The following XKR9 variants were observed in gnomAD, a reference collection of about 807,000 sequenced individuals.
XKR9 encodes the protein XK related 9.
In XKR9, 32 loss-of-function variants were observed where a neutral mutation model predicts 32.0. The observed-to-expected ratio is 1.00, with a 90% CI of 0.76 to 1.34. XKR9 has a LOEUF of 1.34. XKR9 is among the 40% of genes most tolerant of loss of function. The pLI is 0.00. For missense variants in XKR9, 546 were observed against 429.7 expected (o/e 1.27, Z -2.39); for synonymous variants, 168 against 143.4 (o/e 1.17, Z -1.22).
At chr8:70,728,344 G>T (rs1463764933) in intron 4 of XKR9, among the ~76,000 whole-genome samples, 1 of 152,204 alleles carries the variant, frequency 6.6e-6, no homozygotes. Context: ...GGGGCATAGT[G>T]GGGGTAGGTG....
chr8:70,739,017 G>C (rs1032335137), downstream of XKR9, among the ~76,000 whole-genome samples: 2 of 152,040 alleles, frequency 1.3e-5, no homozygotes, highest in East Asian at 1.9e-4. Context: ...TCAATTCCTG[G>C]GTATCCTTGT....
chr8:70,899,197 T>G, the XKR9 span, among the ~76,000 whole-genome samples: 4 of 152,176 alleles, frequency 2.6e-5, no homozygotes, highest in African/African-American at 7.2e-5. Context: ...GGCATTTTAT[T>G]GTGCTGTGTC....
At chr8:70,912,489 T>C in the XKR9 span, among the ~76,000 whole-genome samples, 2 of 152,104 alleles carry the variant, frequency 1.3e-5, no homozygotes, top group East Asian at 1.9e-4. Flanking sequence ...GAATCAAGTA[T>C]CTGCCATGGT....
chr8:70,707,128 G>A lies in XKR9; in HGVS notation c.468G>A (p.Glu156=). 2 of 1,612,940 alleles carry A rather than the reference G, an allele frequency of 1.2e-6. No homozygotes were observed. The highest frequency in any genetic ancestry group is 2.2e-5 in the South Asian group (2 of 90,978). ...QLILQLYILL[E]HGQANFSQYA... ...TTCTTCAACTCTACATTCTTCTGGAGCATGGACAAGCGAATTTCAGTCAGT... is the reference window on the plus strand; with the variant it reads ...TTCTTCAACTCTACATTCTTCTGGAACATGGACAAGCGAATTTCAGTCAGT... Residue 156 remains glutamate (E), a synonymous_variant, in exon 4 of 5, where the codon GAG becomes GAA. Transcript: ENST00000408926.
chr8:70,881,122 A>T, the XKR9 span, among the ~76,000 whole-genome samples: 3 of 152,218 alleles, frequency 2.0e-5, no homozygotes, highest in African/African-American at 7.2e-5. Context: ...AATTAATTCA[A>T]GATGGATTAA....
At chr8:70,879,291 A>G in the XKR9 span, among the ~76,000 whole-genome samples, 2 of 152,210 alleles carry the variant, frequency 1.3e-5, no homozygotes, top group Non-Finnish European at 2.9e-5. Flanking sequence ...GCAGAAGGCA[A>G]GAAATAACTA....
intron 2 of XKR9, among the ~76,000 whole-genome samples, chr8:70,676,835 C>A (rs1383092661): frequency 3.9e-5 from 6 of 152,022 alleles, no homozygotes; most frequent in African/African-American, 1.5e-4. Context: ...TATAGAGAGA[C>A]CCTGTCTCTT....
the XKR9 span, among the ~76,000 whole-genome samples, chr8:70,946,200 C>T: frequency 6.6e-6 from 1 of 152,108 alleles, no homozygotes; most frequent in Admixed American, 6.5e-5. Flanking sequence ...CCTAAGAGAT[C>T]CTCTAACTCT....
chr8:70,914,691 G>T, the XKR9 span, among the ~76,000 whole-genome samples: 1 of 151,972 alleles, frequency 6.6e-6, no homozygotes, highest in African/African-American at 2.4e-5. Flanking sequence ...CTTCCTTAAC[G>T]GTGTCTTTTA....
the XKR9 span, among the ~76,000 whole-genome samples, chr8:70,899,367 G>A: frequency 2.0e-5 from 3 of 150,874 alleles, no homozygotes; most frequent in South Asian, 4.2e-4. Flanking sequence ...GAGAAATTGA[G>A]CATCTTCCCA....
the XKR9 span, among the ~76,000 whole-genome samples, chr8:70,956,258 C>T: frequency 3.9e-5 from 6 of 152,260 alleles, no homozygotes; most frequent in East Asian, 5.8e-4. Flanking sequence ...CAACAGAACA[C>T]GTCTTAGGAG....
the XKR9 span, among the ~76,000 whole-genome samples, chr8:71,003,685 T>TGAA: frequency 3.3e-5 from 5 of 152,194 alleles, no homozygotes; most frequent in Non-Finnish European, 7.3e-5. Context: ...GTTAAGTGAA[T>TGAA]GAATACATAT....
intron 2 of XKR9, among the ~76,000 whole-genome samples, chr8:70,782,167 A>G (rs1414832585): frequency 6.6e-6 from 1 of 152,216 alleles, no homozygotes; most frequent in Non-Finnish European, 1.5e-5. Context: ...CACAGCTGCT[A>G]TCTTAGACTC....
intron 2 of XKR9, among the ~76,000 whole-genome samples, chr8:70,763,521 G>A (rs1467199780): frequency 6.6e-6 from 1 of 152,140 alleles, no homozygotes; most frequent in African/African-American, 2.4e-5. Context: ...GCCTTTGGCA[G>A]TTCTCATTAA....
intron 2 of XKR9, among the ~76,000 whole-genome samples, chr8:70,749,772 G>C (rs536574525): frequency 1.3e-5 from 2 of 152,166 alleles, no homozygotes; most frequent in Non-Finnish European, 2.9e-5. Context: ...GGCCACAGAG[G>C]GTTTCTGGCT....
downstream of XKR9, among the ~76,000 whole-genome samples, chr8:70,736,220 G>A (rs572504178): frequency 8.5e-5 from 13 of 152,198 alleles, no homozygotes; most frequent in African/African-American, 3.1e-4. Context: ...GCCAGTGATG[G>A]TGAGCATTTT....
At chr8:70,925,839 G>T in the XKR9 span, among the ~76,000 whole-genome samples, 1 of 152,082 alleles carries the variant, frequency 6.6e-6, no homozygotes, top group Admixed American at 6.6e-5. Context: ...GGCACAGGAA[G>T]GAGGAAAGAA....
the XKR9 span, among the ~76,000 whole-genome samples, chr8:70,986,380 A>G: frequency 6.6e-6 from 1 of 152,212 alleles, no homozygotes; most frequent in Non-Finnish European, 1.5e-5. Context: ...ATAATAAAAC[A>G]TTGAAAATCT....
At chr8:70,850,879 A>T in the XKR9 span, among the ~76,000 whole-genome samples, 1 of 152,208 alleles carries the variant, frequency 6.6e-6, no homozygotes, top group Non-Finnish European at 1.5e-5. Flanking sequence ...GCACAAGACA[A>T]GGATGCCCTC....
Sources: allele counts gnomAD v4.1 joint callset (sites outside exome capture counted in the v4.1 genomes callset), GRCh38; gene constraint gnomAD v4.1.1; transcripts MANE v1.5; gene names NCBI Gene and HGNC (gene_info 2026-07-23, HGNC 2026-07-21).